XIRP2: variants seen among roughly 807,000 people sequenced by gnomAD.
The protein encoded by XIRP2 is xin actin-binding repeat-containing protein 2.
A neutral mutation model predicts 277.0 loss-of-function variants in XIRP2; 236 were observed. The ratio of observed to expected loss-of-function variants is 0.85; its 90% CI spans 0.77 to 0.95. XIRP2 has a LOEUF of 0.95. Among genes scored for constraint, XIRP2 ranks in the 40% least tolerant of loss-of-function variants. The probability of loss-of-function intolerance (pLI) is 0.00; values close to 1 mark genes in which losing one functional copy is unlikely to be tolerated. For missense variants in XIRP2, 4,640 were observed against 4,157.5 expected, an observed-to-expected ratio of 1.12 and a Z score of -3.19; for synonymous variants, 1,490 against 1,416.5, an observed-to-expected ratio of 1.05 and a Z score of -1.17.
At chr2:166,916,070 A>G (rs1281511527) in intron 2 of XIRP2, among the ~76,000 whole-genome samples, 3 of 152,212 alleles carry the variant, frequency 2.0e-5, no homozygotes, top group Non-Finnish European at 4.4e-5. Context: ...ATAAATAATT[A>G]AAGATGCTAT....
chr2:166,933,209 C>T (rs996777534), intron 2 of XIRP2, among the ~76,000 whole-genome samples: 8 of 150,590 alleles, frequency 5.3e-5, no homozygotes, highest in Admixed American at 6.6e-5. Flanking sequence ...AGTGCAATGG[C>T]GTGATCTTGG....
chr2:166,903,859 G>C lies in XIRP2; in HGVS notation c.377G>C (p.Ser126Thr). Residue 126 changes from serine (S) to threonine (T), a missense_variant, in exon 2 of 11, where the codon AGT (serine) becomes ACT (threonine). Ser to Thr is a moderately conservative substitution (Grantham distance 58). Coordinates refer to ENST00000409195, the MANE Select transcript of XIRP2 (RefSeq NM_152381.6). ...AGGAGTGTGTTTGAGGCTCCTAAGA[G>C]TGGAAACAAACCAGCTGAGTACGGT... ...ELRSVFEAPKSGNKPAEYGGK... is the reference protein window; with the variant it reads ...ELRSVFEAPKTGNKPAEYGGK... The C allele has an allele frequency of 6.2e-7, 1 of 1,613,512 alleles. No individual in the cohort carries two copies. Among genetic ancestry groups the C allele is most frequent in the Non-Finnish European group, 8.5e-7 (1 of 1,179,620 alleles).
chr2:166,957,748 C>G (rs1686198754), intron 2 of XIRP2, among the ~76,000 whole-genome samples: 1 of 151,714 alleles, frequency 6.6e-6, no homozygotes, highest in African/African-American at 2.4e-5. Context: ...TAAAACAAAC[C>G]ATGCAGATAG....
intron 2 of XIRP2, among the ~76,000 whole-genome samples, chr2:167,088,025 A>G (rs576163667): frequency 6.6e-6 from 1 of 152,298 alleles, no homozygotes. Context: ...TTTGTAAGCC[A>G]TTGGTCATAT....
At chr2:167,191,238 A>G (rs969779720) in intron 3 of XIRP2, among the ~76,000 whole-genome samples, 1 of 151,758 alleles carries the variant, frequency 6.6e-6, no homozygotes, top group Non-Finnish European at 1.5e-5. Flanking sequence ...AAAGAAAAGA[A>G]AAGACATTGC....
intron 2 of XIRP2, among the ~76,000 whole-genome samples, chr2:166,959,239 A>T (rs1412044487): frequency 1.3e-5 from 2 of 151,826 alleles, no homozygotes; most frequent in Non-Finnish European, 2.9e-5. Flanking sequence ...TAAGAAGTAA[A>T]TCTCAGCCAT....
At chr2:167,176,263 T>A (rs1421509054) in intron 3 of XIRP2, among the ~76,000 whole-genome samples, 3 of 151,908 alleles carry the variant, frequency 2.0e-5, no homozygotes, top group African/African-American at 7.3e-5. Context: ...GGGGAGGGAG[T>A]TCTTGACCCC....
intron 2 of XIRP2, among the ~76,000 whole-genome samples, chr2:166,925,691 A>C (rs140665760): frequency 6.7e-6 from 1 of 149,922 alleles, no homozygotes; most frequent in Admixed American, 6.7e-5. Context: ...ATTATATCAC[A>C]ATTTATCTTA....
intron 2 of XIRP2, among the ~76,000 whole-genome samples, chr2:166,941,069 T>A (rs1339405705): frequency 1.3e-5 from 2 of 152,192 alleles, no homozygotes; most frequent in African/African-American, 4.8e-5. Context: ...CAGGCAGGCC[T>A]CCTTGAGCTG....
intron 2 of XIRP2, among the ~76,000 whole-genome samples, chr2:167,080,560 C>T (rs1039867076): frequency 6.6e-6 from 1 of 152,088 alleles, no homozygotes; most frequent in Non-Finnish European, 1.5e-5. Context: ...TTCCTCTCAT[C>T]CCTAGGAGAT....
chr2:167,259,456 A>G lies in XIRP2; in HGVS notation c.*1639A>G. The G allele has an allele frequency of 2.4e-6, 3 of 1,255,890 alleles. No homozygotes were observed. The highest frequency in any genetic ancestry group is 3.3e-5 in the South Asian group (2 of 59,892). 77.8% of individuals were successfully genotyped at this position (1,255,890 alleles called of 1,614,324 possible). A position where few individuals can be genotyped will look rare whatever the true frequency, so the allele number is the denominator to read the frequency against. ...TATGAATTTGGATACCCTTTTGAGG[A>G]ACTTGATGTAAACATGGTGTTCAGA... On this transcript the variant is annotated 3_prime_UTR_variant, in exon 11 of 11. Coordinates refer to ENST00000409195, the MANE Select transcript of XIRP2 (RefSeq NM_152381.6).
rs1685566844 is a variant in XIRP2, at chr2:166,937,907, T to C, written c.408+34017T>C. Among the ~76,000 whole-genome samples the C allele has an allele frequency of 2.6e-5, 4 of 152,218 alleles. No individual in the cohort carries two copies. In the South Asian group the frequency reaches 6.2e-4, roughly 24 times the overall value. On this transcript the variant is annotated intron_variant, in intron 2 of 10. Transcript: ENST00000409195. Reference sequence around the variant, plus strand: ...TAGAGGTGTTTATAGTATTCTCTGATGGTATTTTGTATTTCTGTGGGATCG... The same window carrying C: ...TAGAGGTGTTTATAGTATTCTCTGACGGTATTTTGTATTTCTGTGGGATCG...
intron 2 of XIRP2, among the ~76,000 whole-genome samples, chr2:166,948,836 A>C (rs74326187): frequency 0.024 from 3,619 of 152,188 alleles, 57 homozygotes; most frequent in Non-Finnish European, 0.036. Flanking sequence ...TGATTCCCAG[A>C]ACATTTGAAA....
At chr2:166,939,467 T>G (rs1453771733) in intron 2 of XIRP2, among the ~76,000 whole-genome samples, 2 of 151,570 alleles carry the variant, frequency 1.3e-5, no homozygotes, top group East Asian at 3.9e-4. Flanking sequence ...GATCACAAGG[T>G]CAGGAGATCA....
chr2:167,029,943 G>A (rs1333583076), intron 2 of XIRP2, among the ~76,000 whole-genome samples: 2 of 152,050 alleles, frequency 1.3e-5, no homozygotes. Context: ...AGTCTTGGGA[G>A]TGTGTATGTG....
intron 2 of XIRP2, among the ~76,000 whole-genome samples, chr2:166,916,167 A>C (rs116760393): frequency 6.6e-6 from 1 of 152,350 alleles, no homozygotes; most frequent in Non-Finnish European, 1.5e-5. Flanking sequence ...TCTACTTTTT[A>C]GTTCTGCATA....
At position 167,136,047 on chromosome 2, in the gene XIRP2, A is replaced by G. The variant is rs1196849928; in HGVS notation, c.547A>G (p.Ser183Gly). The change falls in exon 3 of 11, where the codon AGC becomes GGC. Residue 183 changes from serine (S) to glycine (G), a missense_variant. Ser to Gly is a moderately conservative substitution (Grantham distance 56). Coordinates refer to ENST00000409195, the MANE Select transcript of XIRP2 (RefSeq NM_152381.6). Reference sequence around the variant, plus strand: ...CAAGATGTCACCTGAAAGTGGTCACAGCCGCATCTTTGAAGGTTAGCATAA... The same window carrying G: ...CAAGATGTCACCTGAAAGTGGTCACGGCCGCATCTTTGAAGGTTAGCATAA... ...FDKMSPESGH[S>G]RIFEATAGPN... 3 of 1,605,192 alleles carry G rather than the reference A, an allele frequency of 1.9e-6. No individual in the cohort carries two copies. The highest frequency in any genetic ancestry group is 8.5e-7 in the Non-Finnish European group (1 of 1,176,714).
chr2:167,021,189 T>C (rs1194931758), intron 2 of XIRP2, among the ~76,000 whole-genome samples: 1 of 152,094 alleles, frequency 6.6e-6, no homozygotes, highest in Non-Finnish European at 1.5e-5. Flanking sequence ...AAGCTGTGCT[T>C]TCAGGTGTGT....
rs759435110 is a variant in XIRP2, at chr2:167,247,479, C to T, written c.6087C>T (p.Val2029=). 2 of 1,613,556 alleles carry T rather than the reference C, an allele frequency of 1.2e-6. No homozygotes were observed. Among genetic ancestry groups the T allele is most frequent in the East Asian group, 2.2e-5 (1 of 44,854 alleles). ...CCCCCAAAGGCACTGTAAAGATTGT[C>T]ATAGATCGTGAACAAAACAATGATG... The part of the protein sequence containing the change: ...PKAPKGTVKI[V]IDREQNNDAL... The change falls in exon 9 of 11, where the codon GTC becomes GTT. Residue 2029 remains valine (V), a synonymous_variant. Transcript: ENST00000409195.
Sources: allele counts gnomAD v4.1 joint callset (sites outside exome capture counted in the v4.1 genomes callset), GRCh38; gene constraint gnomAD v4.1.1; transcripts MANE v1.5; gene names NCBI Gene and HGNC (gene_info 2026-07-23, HGNC 2026-07-21).